The following NRG1 variants were observed in gnomAD, a reference collection of about 807,000 sequenced individuals.
The protein encoded by NRG1 is pro-neuregulin-1, membrane-bound isoform.
Under a neutral mutation model 63.8 loss-of-function variants are expected in NRG1, and 18 were observed. The observed-to-expected ratio is 0.28, with a 90% CI of 0.19 to 0.42. The LOEUF (loss-of-function observed/expected upper bound fraction) is 0.42. NRG1 is among the 10% of genes least tolerant of loss of function. The pLI, the probability that NRG1 is intolerant of heterozygous loss-of-function variation, is 1.00. For missense variants in NRG1, 762 were observed against 814.7 expected, an observed-to-expected ratio of 0.94 and a Z score of 0.79; for synonymous variants, 302 against 301.3, an observed-to-expected ratio of 1.00 and a Z score of -0.02.
At chr8:32,507,195 A>T (rs1012060773) in intron 1 of NRG1, among the ~76,000 whole-genome samples, 1 of 152,198 alleles carries the variant, frequency 6.6e-6, no homozygotes, top group African/African-American at 2.4e-5. Context: ...CCTCTTACTA[A>T]ATAGTTGTAA....
At chr8:32,442,027 A>C (rs1427703793) in intron 1 of NRG1, among the ~76,000 whole-genome samples, 1 of 152,206 alleles carries the variant, frequency 6.6e-6, no homozygotes, top group Non-Finnish European at 1.5e-5. Context: ...TTTCCATTCA[A>C]AATAGAGATA....
At chr8:32,412,430 A>ATATATATATG (rs1554532797) in intron 1 of NRG1, among the ~76,000 whole-genome samples, 41 of 39,110 alleles carry the variant, frequency 1.0e-3, no homozygotes, top group South Asian at 2.7e-3. Context: ...CTACATATAT[A>ATATATATATG]TATATATATA....
intron 1 of NRG1, among the ~76,000 whole-genome samples, chr8:31,751,117 G>C (rs1586143744): frequency 6.6e-6 from 1 of 151,966 alleles, no homozygotes; most frequent in Admixed American, 6.6e-5. Context: ...AATCATAGGA[G>C]GTGGGTAACA....
intron 5 of NRG1, among the ~76,000 whole-genome samples, chr8:32,705,731 C>T (rs1426687434): frequency 6.6e-6 from 1 of 152,130 alleles, no homozygotes; most frequent in Non-Finnish European, 1.5e-5. Flanking sequence ...GCCAAAATCA[C>T]CAGCATCATT....
At chr8:32,026,698 G>GT (rs1221988883) in intron 1 of NRG1, among the ~76,000 whole-genome samples, 1 of 152,056 alleles carries the variant, frequency 6.6e-6, no homozygotes, top group Non-Finnish European at 1.5e-5. Flanking sequence ...GAAATTGAGG[G>GT]TTTGTTTTGT....
In NRG1 at chr8:32,650,346, C is replaced by T. The variant is rs141940758; in HGVS notation, c.502+33461C>T. ...ACAGCTGCAACGTTTTGAAGTGCAT[C>T]GGAGATAAGCCTAGAGAAGCAGTCT... On this transcript the variant is annotated intron_variant, in intron 5 of 11. Coordinates refer to ENST00000356819, the Ensembl canonical transcript of NRG1. Among the ~76,000 whole-genome samples the T allele has an allele frequency of 7.8e-3, 1,184 of 152,058 alleles. 6 individuals carry two copies. The highest frequency in any genetic ancestry group is 0.021 in the Middle Eastern group (6 of 292).
At chr8:32,331,862 G>A (rs1802696535) in intron 1 of NRG1, among the ~76,000 whole-genome samples, 2 of 152,238 alleles carry the variant, frequency 1.3e-5, no homozygotes, top group East Asian at 1.9e-4. Flanking sequence ...TTTTCAAAAT[G>A]TTTGCATGCC....
intron 1 of NRG1, among the ~76,000 whole-genome samples, chr8:32,420,381 A>G (rs1816550725): frequency 6.6e-6 from 1 of 152,178 alleles, no homozygotes; most frequent in South Asian, 2.1e-4. Context: ...CAAAATTTCT[A>G]CAACTGGCCT....
Position 32,763,742 on chromosome 8 carries a change from A to G in NRG1, c.1260-6A>G, listed in dbSNP as rs773192198. 6.5e-7 allele frequency: 1 copy of G among 1,533,488 alleles called. No homozygotes were observed. Among genetic ancestry groups the G allele is most frequent in the African/African-American group, 1.4e-5 (1 of 72,376 alleles). 95.0% of individuals were successfully genotyped at this position (1,533,488 alleles called of 1,614,324 possible). A position where few individuals can be genotyped will look rare whatever the true frequency, so the allele number is the denominator to read the frequency against. On this transcript the variant is annotated splice_region_variant and splice_polypyrimidine_tract_variant and intron_variant, in intron 11 of 11. Coordinates refer to ENST00000356819, the Ensembl canonical transcript of NRG1. ...CACTTATGCAGGGTATTCTGTGCTC[A>G]CACAGGTATGTGTCAGCCATGACCA...
At chr8:31,863,589 G>A (rs1828674077) in intron 1 of NRG1, among the ~76,000 whole-genome samples, 1 of 152,142 alleles carries the variant, frequency 6.6e-6, no homozygotes, top group South Asian at 2.1e-4. Flanking sequence ...AACACCCATA[G>A]GTCCATCATA....
At chr8:31,722,083 A>C (rs986978873) in intron 1 of NRG1, among the ~76,000 whole-genome samples, 2 of 152,018 alleles carry the variant, frequency 1.3e-5, no homozygotes, top group African/African-American at 2.4e-5. Context: ...TCTTCCACCG[A>C]GTTCTCAGGG....
At chr8:32,292,070 G>A (rs1854269808) in intron 1 of NRG1, among the ~76,000 whole-genome samples, 1 of 152,068 alleles carries the variant, frequency 6.6e-6, no homozygotes, top group African/African-American at 2.4e-5. Flanking sequence ...AACATTACAT[G>A]TGCATTTACA....
rs1845123457 is a variant in NRG1 at position 32,605,544 on chromosome 8, T to C, written c.279-18T>C. On this transcript the variant is annotated intron_variant, in intron 2 of 11. Coordinates refer to ENST00000356819, the Ensembl canonical transcript of NRG1. The stretch of plus-strand genomic sequence containing the variant: ...TTCTGTGATATATACTGACACCACT[T>C]TGGTCCTGATCTTATAGGAAGTCAG... 4.3e-6 allele frequency: 7 copies of C among 1,612,356 alleles called. No individual in the cohort carries two copies. Among genetic ancestry groups the C allele is most frequent in the African/African-American group, 4.0e-5 (3 of 74,856 alleles).
intron 1 of NRG1, among the ~76,000 whole-genome samples, chr8:32,380,256 C>A (rs1317573554): frequency 6.6e-6 from 1 of 152,118 alleles, no homozygotes; most frequent in East Asian, 1.9e-4. Context: ...CGGTCTTCCT[C>A]TTACAATCCT....
At chr8:31,849,064 C>T (rs1334488975) in intron 1 of NRG1, among the ~76,000 whole-genome samples, 1 of 152,128 alleles carries the variant, frequency 6.6e-6, no homozygotes, top group East Asian at 1.9e-4. Context: ...AATGCACAAA[C>T]CTTTTCTTTT....
intron 1 of NRG1, among the ~76,000 whole-genome samples, chr8:32,318,670 C>T (rs759307605): frequency 7.9e-5 from 12 of 152,156 alleles, no homozygotes; most frequent in Admixed American, 4.6e-4. Flanking sequence ...AGTTTATGTA[C>T]ATTTTTCCAC....
chr8:31,779,152 C>G (rs1819438260), intron 1 of NRG1, among the ~76,000 whole-genome samples: 1 of 152,044 alleles, frequency 6.6e-6, no homozygotes. Flanking sequence ...TTAAGAATCT[C>G]TGGACCTGAG....
chr8:32,618,945 G>T (rs187151126), intron 5 of NRG1, among the ~76,000 whole-genome samples: 1 of 152,126 alleles, frequency 6.6e-6, no homozygotes, highest in Non-Finnish European at 1.5e-5. Flanking sequence ...GGGCATGGTC[G>T]CTCATGCCTA....
chr8:31,920,904 A>T (rs558368051), intron 1 of NRG1, among the ~76,000 whole-genome samples: 4 of 151,904 alleles, frequency 2.6e-5, no homozygotes, highest in South Asian at 4.2e-4. Context: ...AGATAGATAG[A>T]TAGATAGATA....
Sources: allele counts gnomAD v4.1 joint callset (sites outside exome capture counted in the v4.1 genomes callset), GRCh38; gene constraint gnomAD v4.1.1; transcripts MANE v1.5; gene names NCBI Gene and HGNC (gene_info 2026-07-23, HGNC 2026-07-21).